Variants in TVP23A observed in about 807,000 individuals in gnomAD.
TVP23A encodes Golgi apparatus membrane protein TVP23 homolog A.
A neutral mutation model predicts 31.7 loss-of-function variants in TVP23A; 21 were observed. The ratio of observed to expected loss-of-function variants is 0.66; its 90% CI spans 0.47 to 0.95. The LOEUF (loss-of-function observed/expected upper bound fraction) is 0.95. TVP23A is among the 40% of genes least tolerant of loss of function. The pLI, the probability that TVP23A is intolerant of heterozygous loss-of-function variation, is 0.00. For missense variants in TVP23A, 279 were observed against 255.6 expected (o/e 1.09, Z -0.62); for synonymous variants, 104 against 96.0 (o/e 1.08, Z -0.49).
At position 10,769,116 on chromosome 16, in the gene TVP23A, T is replaced by C. The variant is rs923003592; in HGVS notation, c.*1-15A>G. 1.2e-5 allele frequency: 20 copies of C among 1,613,106 alleles called. No homozygotes were observed. Among genetic ancestry groups the C allele is most frequent in the Admixed American group, 3.3e-5 (2 of 59,994 alleles). On this transcript the variant is annotated splice_polypyrimidine_tract_variant and intron_variant, in intron 7 of 7. Transcript: ENST00000299866. ...CTCATCAGTTCCTGAAACGAGAGAA[T>C]GTTCAGGACCAAGCAGTTACCGAGC...
downstream of TVP23A, chr16:10,760,911 GTAACCTA>G (rs1409774988): frequency 1.8e-5 from 3 of 170,416 alleles, no homozygotes; most frequent in Admixed American, 1.1e-4. Context: ...CTGAGACTGG[GTAACCTA>G]TAAGGGAAAG....
At chr16:10,810,215 AG>A (rs910721155) in intron 2 of TVP23A, among the ~76,000 whole-genome samples, 1 of 151,598 alleles carries the variant, frequency 6.6e-6, no homozygotes, top group African/African-American at 2.4e-5. Flanking sequence ...AGGTGTTTCT[AG>A]GAAAAAAAAA....
intron 2 of TVP23A, among the ~76,000 whole-genome samples, chr16:10,806,290 C>A (rs933180630): frequency 6.6e-6 from 1 of 152,082 alleles, no homozygotes; most frequent in Non-Finnish European, 1.5e-5. Context: ...TTGCAGTGAG[C>A]CAAGGTTGTA....
chr16:10,784,305 G>A (rs1164150540), intron 2 of TVP23A, among the ~76,000 whole-genome samples: 1 of 151,794 alleles, frequency 6.6e-6, no homozygotes, highest in Admixed American at 6.6e-5. Flanking sequence ...CTCCCACCTA[G>A]GCGACAGAGC....
chr16:10,792,754 C>T (rs1046293395), intron 2 of TVP23A, among the ~76,000 whole-genome samples: 1 of 152,242 alleles, frequency 6.6e-6, no homozygotes, highest in African/African-American at 2.4e-5. Context: ...CTCCATCATC[C>T]TTCTGAAACG....
intron 2 of TVP23A, among the ~76,000 whole-genome samples, chr16:10,815,536 G>C (rs954593766): frequency 3.9e-5 from 6 of 152,226 alleles, no homozygotes; most frequent in African/African-American, 1.4e-4. Context: ...AGGATATTTG[G>C]CAATGCCTGA....
intron 2 of TVP23A, among the ~76,000 whole-genome samples, chr16:10,813,081 A>T (rs956350634): frequency 6.6e-6 from 1 of 152,138 alleles, no homozygotes; most frequent in Non-Finnish European, 1.5e-5. Flanking sequence ...CTGACCTGGA[A>T]CCAGGGACAG....
At chr16:10,807,924 G>C (rs1277802312) in intron 2 of TVP23A, among the ~76,000 whole-genome samples, 1 of 152,048 alleles carries the variant, frequency 6.6e-6, no homozygotes, top group Non-Finnish European at 1.5e-5. Context: ...TGTTGTCCAG[G>C]CTGGACTCGA....
chr16:10,817,120 A>G (rs1475485789), intron 2 of TVP23A, among the ~76,000 whole-genome samples: 1 of 152,226 alleles, frequency 6.6e-6, no homozygotes, highest in African/African-American at 2.4e-5. Flanking sequence ...GGAGTGTGGC[A>G]CTGCTGCCAC....
At chr16:10,791,088 T>TA (rs1353806135) in intron 2 of TVP23A, among the ~76,000 whole-genome samples, 1 of 152,072 alleles carries the variant, frequency 6.6e-6, no homozygotes, top group African/African-American at 2.4e-5. Context: ...TTCTGGGAGA[T>TA]AAAAAACTAC....
intron 2 of TVP23A, among the ~76,000 whole-genome samples, chr16:10,791,657 G>A (rs896389410): frequency 2.0e-5 from 3 of 152,146 alleles, no homozygotes; most frequent in Admixed American, 6.5e-5. Context: ...GCCCAGGCTG[G>A]AGTGCAGTGG....
At chr16:10,770,376 A>G in intron 6 of TVP23A, 45 bp from the exon 7 acceptor site, 1 of 1,539,968 alleles carries the variant, frequency 6.5e-7, no homozygotes, top group Non-Finnish European at 8.8e-7. Flanking sequence ...CTTACACGCG[A>G]GTGGGGCGAT....
chr16:10,812,730 T>C (rs1010909816), intron 2 of TVP23A, among the ~76,000 whole-genome samples: 5 of 152,136 alleles, frequency 3.3e-5, no homozygotes, highest in African/African-American at 9.7e-5. Flanking sequence ...GAATGGTATT[T>C]ACCAGGGGCT....
chr16:10,797,527 A>G (rs1406296290), intron 2 of TVP23A, among the ~76,000 whole-genome samples: 2 of 150,266 alleles, frequency 1.3e-5, no homozygotes, highest in Non-Finnish European at 3.0e-5. Context: ...ACTCCAGCCT[A>G]GGTAACAAGG....
intron 2 of TVP23A, among the ~76,000 whole-genome samples, chr16:10,785,624 C>T (rs2032708814): frequency 6.6e-6 from 1 of 152,170 alleles, no homozygotes; most frequent in Non-Finnish European, 1.5e-5. Flanking sequence ...GAGATCCTGA[C>T]AACATGTGTC....
At chr16:10,765,520 A>T (rs147583102), downstream of TVP23A, among the ~76,000 whole-genome samples, 961 of 152,140 alleles carry the variant, frequency 6.3e-3, 9 homozygotes, top group African/African-American at 0.022. This position sits in a 1 kb window ranked among gnomAD's most constrained non-coding sequence, Gnocchi z 4.0. Context: ...AAAAAAATTT[A>T]AAAATGGCAT....
downstream of TVP23A, chr16:10,761,161 G>A (rs1900942746): frequency 2.1e-6 from 1 of 484,584 alleles, no homozygotes; most frequent in Non-Finnish European, 3.8e-6. Flanking sequence ...GGAACTGCCT[G>A]TTCCTGTAGG....
chr16:10,808,671 G>T, intron 2 of TVP23A: 1 of 382,710 alleles, frequency 2.6e-6, no homozygotes, highest in Non-Finnish European at 5.3e-6. Flanking sequence ...CAGCTACTGA[G>T]GAGGCTGAGA....
intron 2 of TVP23A, among the ~76,000 whole-genome samples, chr16:10,799,938 A>C (rs1250062904): frequency 1.4e-5 from 2 of 146,998 alleles, no homozygotes; most frequent in Non-Finnish European, 3.0e-5. Context: ...GAAAAGAGGG[A>C]GTGGCTCACA....
Sources: gnomAD v4.1 joint callset for allele counts (sites outside exome capture counted in the v4.1 genomes callset) on GRCh38, gnomAD v4.1.1 for gene constraint, Gnocchi (gnomAD v3.1) non-coding constraint, MANE v1.5 for transcripts, NCBI Gene and HGNC (gene_info 2026-07-23, HGNC 2026-07-21) for gene names.